RGS5: variants seen among roughly 807,000 people sequenced by gnomAD.
RGS5 encodes regulator of G protein signaling 5, also known as regulator of G-protein signalling 5.
Under a neutral mutation model 18.9 loss-of-function variants are expected in RGS5, and 20 were observed. The ratio of observed to expected loss-of-function variants is 1.06; its 90% CI spans 0.74 to 1.54. RGS5 has a LOEUF of 1.54. Ranked by LOEUF, RGS5 falls within the 40% of genes most tolerant of loss-of-function variation. RGS5 has a pLI of 0.00. For missense variants in RGS5, 201 were observed against 211.8 expected, an observed-to-expected ratio of 0.95 and a Z score of 0.32; for synonymous variants, 57 against 76.2, an observed-to-expected ratio of 0.75 and a Z score of 1.31.
intron 1 of RGS5, among the ~76,000 whole-genome samples, chr1:163,216,877 A>G (rs1297415059): frequency 6.6e-6 from 1 of 152,216 alleles, no homozygotes; most frequent in Non-Finnish European, 1.5e-5. Flanking sequence ...GACCTCGCCA[A>G]CTAAACTTCA....
chr1:163,319,300 G>A (rs1235351416), intron 1 of RGS5: 1 of 152,176 alleles, frequency 6.6e-6, no homozygotes, highest in Non-Finnish European at 1.5e-5. Context: ...GTCTAGAAAA[G>A]GAACATGAAA....
In RGS5 at chr1:163,290,111, A is replaced by G. The variant is rs549061098; in HGVS notation, c.-281+16122T>C. On this transcript the variant is annotated intron_variant, in intron 2 of 5. Transcript: ENST00000618415. ...CAGCTTCTTTGTACGCTATGCAAAC[A>G]GCACACCTGGACTGACCAATCTCTC... Among the ~76,000 whole-genome samples the G allele has an allele frequency of 2.8e-3, 420 of 152,326 alleles. 3 individuals carry two copies. Among genetic ancestry groups the G allele is most frequent in the African/African-American group, 9.6e-3 (401 of 41,574 alleles).
chr1:163,274,279 C>T (rs1648795505), intron 2 of RGS5, among the ~76,000 whole-genome samples: 1 of 151,844 alleles, frequency 6.6e-6, no homozygotes, highest in Non-Finnish European at 1.5e-5. Flanking sequence ...CTTTCAGCCC[C>T]ACCCACTGAC....
intron 2 of RGS5, among the ~76,000 whole-genome samples, chr1:163,259,109 A>G (rs1040443101): frequency 6.6e-6 from 1 of 152,114 alleles, no homozygotes; most frequent in Non-Finnish European, 1.5e-5. Context: ...CTGACCTCCC[A>G]GTTTACATCA....
At chr1:163,203,207 T>A (rs1273733425), upstream of RGS5, 2 of 167,196 alleles carry the variant, frequency 1.2e-5, no homozygotes, top group Non-Finnish European at 1.3e-5. Flanking sequence ...ACAAGGAAGA[T>A]GTGAGCTTCC....
chr1:163,294,427 TAGTCATGACTGG>T (rs1436902480), intron 2 of RGS5, among the ~76,000 whole-genome samples: 1 of 152,232 alleles, frequency 6.6e-6, no homozygotes, highest in Non-Finnish European at 1.5e-5. Flanking sequence ...TGGACCATTT[TAGTCATGACTGG>T]AGCTGGAGCA....
At chr1:163,246,512 AGTGAGCCTAGATT>A (rs1571316637) in intron 2 of RGS5, among the ~76,000 whole-genome samples, 1 of 152,206 alleles carries the variant, frequency 6.6e-6, no homozygotes, top group East Asian at 1.9e-4. Flanking sequence ...TGGAGGTTGC[AGTGAGCCTAGATT>A]GTGCCACTGC....
chr1:163,205,493 T>A (rs1659932854), upstream of RGS5, among the ~76,000 whole-genome samples: 1 of 151,896 alleles, frequency 6.6e-6, no homozygotes, highest in Admixed American at 6.6e-5. Context: ...AAGGTATAAA[T>A]CTGTAATAGC....
intron 2 of RGS5, among the ~76,000 whole-genome samples, chr1:163,225,131 T>C (rs1261833418): frequency 6.6e-6 from 1 of 152,158 alleles, no homozygotes; most frequent in African/African-American, 2.4e-5. Context: ...GTTTCCCCTG[T>C]GTTTTTTTCC....
At chr1:163,162,173 T>C (rs577124489) in intron 2 of RGS5, among the ~76,000 whole-genome samples, 197 bp from the exon 3 acceptor site, 1 of 152,352 alleles carries the variant, frequency 6.6e-6, no homozygotes, top group South Asian at 2.1e-4. Flanking sequence ...TACATCTTTA[T>C]TGCATATCTT....
chr1:163,177,183 G>A (rs1157398149), intron 1 of RGS5, among the ~76,000 whole-genome samples: 1 of 152,192 alleles, frequency 6.6e-6, no homozygotes, highest in Non-Finnish European at 1.5e-5. Context: ...TCCATAGAAA[G>A]GTTTTGAAAA....
chr1:163,173,002 A>G (rs991672392), intron 1 of RGS5, among the ~76,000 whole-genome samples: 2 of 152,328 alleles, frequency 1.3e-5, no homozygotes, highest in African/African-American at 4.8e-5. Context: ...CAAACAAAAC[A>G]ATAGCTCCAG....
In RGS5 at chr1:163,157,359, T is replaced by C. The variant is rs578119824; in HGVS notation, c.217+4556A>G. ...AAAACAGATGGTGCCACCTAAAGAA[T>C]TGAAGGCAAAACATGTAGGAAGTTG... On this transcript the variant is annotated intron_variant, in intron 3 of 4. Coordinates refer to ENST00000313961, the MANE Select transcript of RGS5 (RefSeq NM_003617.4). 1.6e-4 allele frequency among the ~76,000 whole-genome samples: 24 copies of C among 152,296 alleles called. No individual in the cohort carries two copies. In the East Asian group the frequency reaches 4.1e-3, roughly 26 times the overall value.
chr1:163,297,932 G>T (rs1482998948), intron 2 of RGS5, among the ~76,000 whole-genome samples: 1 of 152,082 alleles, frequency 6.6e-6, no homozygotes, highest in Admixed American at 6.6e-5. Flanking sequence ...TTTGAGCTGG[G>T]AATTGTTGAC....
intron 2 of RGS5, among the ~76,000 whole-genome samples, chr1:163,253,113 T>C (rs556481031): frequency 4.6e-5 from 7 of 152,270 alleles, no homozygotes; most frequent in South Asian, 2.1e-4. Context: ...AACAAATTTT[T>C]TGCAACATCT....
At chr1:163,188,784 C>G (rs1212684229) in intron 1 of RGS5, among the ~76,000 whole-genome samples, 1 of 151,886 alleles carries the variant, frequency 6.6e-6, no homozygotes, top group Non-Finnish European at 1.5e-5. Context: ...ATGGTGAAAC[C>G]CCGTCTCTAC....
intron 1 of RGS5, among the ~76,000 whole-genome samples, chr1:163,194,705 A>T (rs1659493226): frequency 6.7e-6 from 1 of 149,970 alleles, no homozygotes; most frequent in Admixed American, 6.6e-5. Flanking sequence ...ACTGAGAGAG[A>T]TATAAGATTA....
Position 163,147,394 on chromosome 1 carries a change from T to A in RGS5, c.494A>T (p.Asp165Val). ...AGAGCGCACAAAGCGAGGCAGAGAA[T>A]CCTTTTCCATCAGGGCATGGATTCT... ...QKRIHALMEK[D>V]SLPRFVRSEF... Residue 165 changes from aspartate (D) to valine (V), a missense_variant, in exon 5 of 5, where the codon GAT (aspartate) becomes GTT (valine). By Grantham distance (152) the Asp-to-Val change is radical. Coordinates refer to ENST00000313961, the MANE Select transcript of RGS5 (RefSeq NM_003617.4). 6.2e-7 allele frequency: 1 copy of A among 1,612,666 alleles called. No homozygotes were observed.
intron 2 of RGS5, among the ~76,000 whole-genome samples, chr1:163,261,624 C>T (rs750043644): frequency 1.2e-4 from 18 of 152,270 alleles, no homozygotes; most frequent in Non-Finnish European, 1.9e-4. Context: ...CAATGGGAAA[C>T]GCCTCACTCC....
Sources: gnomAD v4.1 joint callset for allele counts (sites outside exome capture counted in the v4.1 genomes callset) on GRCh38, gnomAD v4.1.1 for gene constraint, MANE v1.5 for transcripts, NCBI Gene and HGNC (gene_info 2026-07-23, HGNC 2026-07-21) for gene names.